GRHL3: variants seen among roughly 807,000 people sequenced by gnomAD.
GRHL3 encodes grainyhead-like protein 3 homolog.
In GRHL3, 20 loss-of-function variants were observed where a neutral mutation model predicts 70.3. The ratio of observed to expected loss-of-function variants is 0.28; its 90% CI spans 0.20 to 0.41. The LOEUF (loss-of-function observed/expected upper bound fraction) is 0.41, where lower values mean the gene tolerates loss of function less well. Ranked by LOEUF, GRHL3 falls within the 10% of genes least tolerant of loss-of-function variation. GRHL3 has a pLI of 1.00. For missense variants in GRHL3, 637 were observed against 762.3 expected, an observed-to-expected ratio of 0.84 and a Z score of 1.94; for synonymous variants, 299 against 299.9, an observed-to-expected ratio of 1.00 and a Z score of 0.03.
rs745687852 is a variant in GRHL3, at chr1:24,319,557, G to A, written c.6G>A (p.Ser2=). The A allele has an allele frequency of 4.3e-6, 7 of 1,613,760 alleles. No homozygotes were observed. Among genetic ancestry groups the A allele is most frequent in the African/African-American group, 4.0e-5 (3 of 74,930 alleles). Residue 2 remains serine (S), a synonymous_variant, in exon 1 of 16, where the codon TCG becomes TCA. Coordinates refer to ENST00000361548, the MANE Select transcript of GRHL3 (RefSeq NM_198173.3). Reference sequence around the variant, plus strand: ...CGGAGCTTGGGAGCAGGAAGATGTCGAATGAACTTGAGTGAGTAAACATCG... The same window carrying A: ...CGGAGCTTGGGAGCAGGAAGATGTCAAATGAACTTGAGTGAGTAAACATCG... M[S]NELDFRSVRL... is the part of the protein sequence containing the mutation.
intron 11 of GRHL3, among the ~76,000 whole-genome samples, chr1:24,343,881 G>A (rs1317580571): frequency 2.0e-5 from 3 of 152,234 alleles, no homozygotes; most frequent in Admixed American, 6.5e-5. Flanking sequence ...AGACAGTGGC[G>A]CTGAGAAGAG....
In GRHL3 at chr1:24,344,424, G is replaced by A. The variant is rs575592987; in HGVS notation, c.1420-473G>A. Among the ~76,000 whole-genome samples the A allele has an allele frequency of 2.0e-5, 3 of 148,818 alleles. No homozygotes were observed. In the East Asian group the frequency reaches 6.0e-4, roughly 30 times the overall value. On this transcript the variant is annotated intron_variant, in intron 11 of 15. Coordinates refer to ENST00000361548, the MANE Select transcript of GRHL3 (RefSeq NM_198173.3). ...CAGGATTGCTTCAGCCCAGGAGGTC[G>A]AGGCTGCAGTGAGCTGTGATGGTGG...
intron 15 of GRHL3, among the ~76,000 whole-genome samples, chr1:24,363,998 T>C (rs991261025): frequency 3.9e-5 from 6 of 152,100 alleles, no homozygotes; most frequent in Non-Finnish European, 8.8e-5. Context: ...AAAGGCAAGA[T>C]CTATTTATGG....
chr1:24,331,698 C>T (rs1018675861), intron 2 of GRHL3, 86 bp downstream of exon 2: 10 of 1,147,692 alleles, frequency 8.7e-6, no homozygotes, highest in Non-Finnish European at 1.3e-5. Context: ...CCCACCATGA[C>T]CACCCCAGCC....
intron 5 of GRHL3, chr1:24,337,429 G>A: frequency 1.7e-6 from 1 of 605,684 alleles, no homozygotes; most frequent in Non-Finnish European, 2.9e-6. Flanking sequence ...TTTTCATTGG[G>A]CCCTCATTAT....
downstream of GRHL3, chr1:24,358,346 C>G (rs751517091): frequency 2.9e-6 from 2 of 697,984 alleles, no homozygotes; most frequent in South Asian, 3.0e-5. Context: ...GGGGTGAAGT[C>G]TCCAGGGAGC....
In GRHL3 at chr1:24,321,614, ATTTG is replaced by A. The variant is rs1639188234; in HGVS notation, c.17+2052_17+2055del. 1 of 152,330 alleles carries A rather than the reference ATTTG, an allele frequency of 6.6e-6. No individual in the cohort carries two copies. 9.4% of individuals were successfully genotyped at this position (152,330 alleles called of 1,614,324 possible). A position where few individuals can be genotyped will look rare whatever the true frequency, so the allele number is the denominator to read the frequency against. On this transcript the variant is annotated intron_variant, in intron 1 of 15. Coordinates refer to ENST00000361548, the MANE Select transcript of GRHL3 (RefSeq NM_198173.3). This position sits in a 1 kb window ranked among gnomAD's most constrained non-coding sequence, Gnocchi z 4.0. Reference sequence around the variant, plus strand: ...CTTACCAACAGCAGGATCCTGGTGAATTTGTTTGTCCTCCCTGACCCTCAGTCTG... The same window carrying A: ...CTTACCAACAGCAGGATCCTGGTGAATTTGTCCTCCCTGACCCTCAGTCTG...
At chr1:24,337,276 G>A (rs1639858877) in intron 5 of GRHL3, 125 bp downstream of exon 5, 1 of 672,068 alleles carries the variant, frequency 1.5e-6, no homozygotes, top group Non-Finnish European at 2.5e-6. Context: ...GATGAAGGCA[G>A]ATAGATAGAG....
intron 14 of GRHL3, 84 bp downstream of exon 14, chr1:24,347,637 C>T: frequency 8.9e-7 from 1 of 1,128,402 alleles, no homozygotes; most frequent in Non-Finnish European, 1.3e-6. Context: ...TTCTGATTTC[C>T]CACAGGAGGG....
At chr1:24,364,268 G>A in exon 16 of GRHL3, 2 of 1,549,054 alleles carry the variant, frequency 1.3e-6, no homozygotes, top group Non-Finnish European at 1.7e-6. Flanking sequence ...ACTCAAGTGA[G>A]GAACATGGGT....
intron 12 of GRHL3, among the ~76,000 whole-genome samples, chr1:24,345,657 T>TG (rs975614594): frequency 2.6e-5 from 4 of 152,124 alleles, no homozygotes; most frequent in African/African-American, 9.7e-5. Context: ...ACACCCCCAC[T>TG]GGGGGGCCTA....
chr1:24,341,390 T>A (rs1406968097), intron 8 of GRHL3, among the ~76,000 whole-genome samples: 1 of 152,204 alleles, frequency 6.6e-6, no homozygotes, highest in Non-Finnish European at 1.5e-5. Flanking sequence ...TGAAGCCGTA[T>A]ATGGCTAGTG....
intron 15 of GRHL3, chr1:24,361,114 C>A: frequency 1.5e-6 from 2 of 1,348,050 alleles, no homozygotes; most frequent in Non-Finnish European, 2.0e-6. Context: ...TAGACACAGC[C>A]AAGACCTGCA....
chr1:24,326,329 T>G (rs1341788765), intron 1 of GRHL3, among the ~76,000 whole-genome samples: 2 of 141,720 alleles, frequency 1.4e-5, no homozygotes, highest in African/African-American at 2.6e-5. Flanking sequence ...CTCATCTCCA[T>G]TCTCCCTCTT....
chr1:24,335,268 CA>C (rs1639755109), intron 3 of GRHL3, among the ~76,000 whole-genome samples: 1 of 152,208 alleles, frequency 6.6e-6, no homozygotes, highest in Non-Finnish European at 1.5e-5. Context: ...TCTGGGTTCC[CA>C]TACTTCTTCC....
intron 1 of GRHL3, chr1:24,319,883 C>T: frequency 1.9e-6 from 1 of 517,736 alleles, no homozygotes. Flanking sequence ...CCTTGGAAAT[C>T]AGACGACCCC....
At chr1:24,323,696 C>T (rs1430016436) in intron 1 of GRHL3, among the ~76,000 whole-genome samples, 1 of 152,144 alleles carries the variant, frequency 6.6e-6, no homozygotes, top group Non-Finnish European at 1.5e-5. Flanking sequence ...GAGTTCCTTT[C>T]CCTCTCTTGC....
Position 24,348,394 on chromosome 1 carries a change from G to A in GRHL3, c.1629+841G>A, listed in dbSNP as rs1397770915. ...TTACTCAGCTCCAGGTGACAGAGCC[G>A]GGATGCCAGCCCAGGCTCTCCTCAT... On this transcript the variant is annotated intron_variant, in intron 14 of 15. Coordinates refer to ENST00000361548, the MANE Select transcript of GRHL3 (RefSeq NM_198173.3). 2.0e-5 allele frequency among the ~76,000 whole-genome samples: 3 copies of A among 152,166 alleles called. No homozygotes were observed. In the East Asian group the frequency reaches 5.8e-4, roughly 29 times the overall value.
At position 24,334,706 on chromosome 1, in the gene GRHL3, G is replaced by A; in HGVS notation, c.266G>A (p.Arg89Lys). 1 of 1,609,916 alleles carries A rather than the reference G, an allele frequency of 6.2e-7. No homozygotes were observed. The highest frequency in any genetic ancestry group is 8.5e-7 in the Non-Finnish European group (1 of 1,178,368). ...STGGRNDQGK[R>K]YYHGMEYETD... Reference sequence around the variant, plus strand: ...GGGGGCAGGAATGACCAAGGAAAGAGGTGAGGCTTGCCAACACCCTCTGCC... The same window carrying A: ...GGGGGCAGGAATGACCAAGGAAAGAAGTGAGGCTTGCCAACACCCTCTGCC... Residue 89 changes from arginine (R) to lysine (K), a missense_variant and splice_region_variant, in exon 3 of 16, where the codon AGG becomes AAG. Physicochemically the swap from Arg to Lys is conservative, Grantham distance 26. Transcript: ENST00000361548. This position sits in a 1 kb window ranked among gnomAD's most constrained non-coding sequence, Gnocchi z 4.3.
Sources: allele counts gnomAD v4.1 joint callset (sites outside exome capture counted in the v4.1 genomes callset), GRCh38; gene constraint gnomAD v4.1.1; non-coding constraint Gnocchi (gnomAD v3.1); transcripts MANE v1.5; gene names NCBI Gene and HGNC (gene_info 2026-07-23, HGNC 2026-07-21).